NFATC1: variants seen among roughly 807,000 people sequenced by gnomAD.
NFATC1 encodes the protein nuclear factor of activated T cells 1, also known as nuclear factor of activated T-cells, cytoplasmic 1.
A neutral mutation model predicts 76.0 loss-of-function variants in NFATC1; 22 were observed. That is an observed-to-expected ratio of 0.29 (90% confidence interval 0.21 to 0.41). The LOEUF is 0.41. Among genes scored for constraint, NFATC1 ranks in the 10% least tolerant of loss-of-function variants. The pLI is 1.00. For synonymous variants in NFATC1, 704 were observed against 613.1 expected (o/e 1.15, Z -2.19); for missense variants, 1,357 against 1,337.7 (o/e 1.01, Z -0.23).
Position 79,474,462 on chromosome 18 carries a change from G to A in NFATC1, c.2092+6880G>A, listed in dbSNP as rs937337379. On this transcript the variant is annotated intron_variant, in intron 8 of 9. Transcript: ENST00000427363. ...GCGTGTTCTCGCGCTCACTGTCGAC[G>A]TTGTAAACCTGAGGGAAGCGTGTTC... is the stretch of plus-strand genomic sequence containing the variant. Among the ~76,000 whole-genome samples, 26 of 143,694 alleles carry A rather than the reference G, an allele frequency of 1.8e-4. 1 individual carries two copies. Among genetic ancestry groups the A allele is most frequent in the Admixed American group, 8.2e-4 (12 of 14,632 alleles). The allele number at this position is 143,694 out of a possible 152,430, so 94.3% of individuals were successfully genotyped here.
chr18:79,431,466 C>T (rs901163891), intron 2 of NFATC1, among the ~76,000 whole-genome samples: 10 of 152,116 alleles, frequency 6.6e-5, no homozygotes, highest in Non-Finnish European at 1.3e-4. Flanking sequence ...CGATCCTCCC[C>T]GCTCAGCCTC....
At chr18:79,479,638 G>A (rs1435851262) in intron 8 of NFATC1, among the ~76,000 whole-genome samples, 1 of 152,230 alleles carries the variant, frequency 6.6e-6, no homozygotes, top group East Asian at 1.9e-4. Flanking sequence ...TCTCTGTATT[G>A]GGAAGGCTGC....
At chr18:79,501,645 A>G (rs2090019156) in intron 9 of NFATC1, among the ~76,000 whole-genome samples, 1 of 120,260 alleles carries the variant, frequency 8.3e-6, no homozygotes, top group Admixed American at 1.2e-4. Flanking sequence ...AGGAAAACCC[A>G]CTGTTAAAAC....
At position 79,446,923 on chromosome 18, in the gene NFATC1, G is replaced by A. The variant is rs2087229840; in HGVS notation, c.1387-1859G>A. Among the ~76,000 whole-genome samples, 3 of 152,278 alleles carry A rather than the reference G, an allele frequency of 2.0e-5. No individual in the cohort carries two copies. The South Asian group carries it at 6.2e-4, about 32-fold the overall frequency. On this transcript the variant is annotated intron_variant, in intron 3 of 9. Transcript: ENST00000427363. Reference sequence around the variant, plus strand: ...TGGCTTTGTGTTTCAGACCCCAAACGCCCCTTCGATGTCTCAGCTGGGACC... The same window carrying A: ...TGGCTTTGTGTTTCAGACCCCAAACACCCCTTCGATGTCTCAGCTGGGACC...
At chr18:79,408,580 G>A (rs959931544) in intron 1 of NFATC1, among the ~76,000 whole-genome samples, 2 of 152,236 alleles carry the variant, frequency 1.3e-5, no homozygotes, top group African/African-American at 4.8e-5. Flanking sequence ...GAATCTCCAT[G>A]AGGGGGATTT....
At chr18:79,461,236 GA>G in intron 6 of NFATC1, 74 bp from the exon 7 acceptor site, 1 of 1,562,976 alleles carries the variant, frequency 6.4e-7, no homozygotes, top group South Asian at 1.1e-5. Flanking sequence ...CCTGGGTCTG[GA>G]TCACGTGGGG....
chr18:79,406,920 C>T (rs760965770), intron 1 of NFATC1, among the ~76,000 whole-genome samples: 18 of 152,206 alleles, frequency 1.2e-4, no homozygotes, highest in Non-Finnish European at 2.2e-4. Flanking sequence ...GGCACGGTCA[C>T]CCAGGCGTGT....
rs2090808077 is a variant in NFATC1, at chr18:79,527,767, C to T, written c.*190C>T. The T allele has an allele frequency of 1.7e-6, 1 of 605,516 alleles. No individual in the cohort carries two copies. The highest frequency in any genetic ancestry group is 3.9e-4 in the Middle Eastern group (1 of 2,532). The allele number at this position is 605,516 out of a possible 1,614,324, so 37.5% of individuals were successfully genotyped here. A position where few individuals can be genotyped will look rare whatever the true frequency, so the allele number is the denominator to read the frequency against. On this transcript the variant is annotated 3_prime_UTR_variant, in exon 10 of 10. Coordinates refer to ENST00000427363, the MANE Select transcript of NFATC1 (RefSeq NM_001278669.2). ...AAGGAAAGCAGGGAGGAAGGGAGAC[C>T]ACTGTGTCACCTGGAGGAGAAGTCA...
chr18:79,496,775 C>T lies in NFATC1; in HGVS notation c.2782+9838C>T, dbSNP rs548604154. ...TCGTCCTGGACGTGTAGCCTTTGTACGTTCCATAGTGACCTTTTGTACATT... is the reference window on the plus strand; with the variant it reads ...TCGTCCTGGACGTGTAGCCTTTGTATGTTCCATAGTGACCTTTTGTACATT... On this transcript the variant is annotated intron_variant, in intron 9 of 9. Coordinates refer to ENST00000427363, the MANE Select transcript of NFATC1 (RefSeq NM_001278669.2). 3.3e-5 allele frequency: 5 copies of T among 152,378 alleles called. No individual in the cohort carries two copies. The East Asian group carries it at 5.8e-4, about 18-fold the overall frequency. 9.4% of individuals were successfully genotyped at this position (152,378 alleles called of 1,614,324 possible).
At chr18:79,472,744 C>T (rs759940046) in intron 8 of NFATC1, among the ~76,000 whole-genome samples, 2 of 152,166 alleles carry the variant, frequency 1.3e-5, no homozygotes, top group Admixed American at 1.3e-4. Context: ...GCATGGCTCC[C>T]GCCTTCCCTC....
chr18:79,471,900 C>A (rs558338460), intron 8 of NFATC1, among the ~76,000 whole-genome samples: 1 of 152,354 alleles, frequency 6.6e-6, no homozygotes, highest in East Asian at 1.9e-4. Flanking sequence ...AGGGAAGACG[C>A]GCTTCCCTCC....
At chr18:79,427,678 GC>G (rs1417242586) in intron 2 of NFATC1, among the ~76,000 whole-genome samples, 47 of 113,844 alleles carry the variant, frequency 4.1e-4, no homozygotes, top group African/African-American at 1.5e-3. Flanking sequence ...TGGTGTGGGG[GC>G]TGGATGGCTG....
intron 8 of NFATC1, chr18:79,469,259 C>G (rs1482122829): frequency 1.1e-6 from 1 of 900,940 alleles, no homozygotes; most frequent in African/African-American, 1.8e-5. Flanking sequence ...TAAAGAAAAC[C>G]TAGGCCTTAT....
At chr18:79,487,166 C>T (rs1217162643) in intron 9 of NFATC1, among the ~76,000 whole-genome samples, 2 of 152,128 alleles carry the variant, frequency 1.3e-5, no homozygotes, top group African/African-American at 4.8e-5. Flanking sequence ...GTGTGGGGCC[C>T]TTGGCGGGTC....
At chr18:79,442,461 C>A (rs1401965354) in intron 3 of NFATC1, among the ~76,000 whole-genome samples, 1 of 152,206 alleles carries the variant, frequency 6.6e-6, no homozygotes, top group Non-Finnish European at 1.5e-5. Context: ...CCTTCCAGCA[C>A]CTTCTCTGGG....
intron 9 of NFATC1, among the ~76,000 whole-genome samples, chr18:79,492,256 C>T (rs995160016): frequency 3.4e-4 from 51 of 152,132 alleles, no homozygotes; most frequent in African/African-American, 1.2e-3. Context: ...CAGCCCACAT[C>T]CTGTGCGTCT....
intron 1 of NFATC1, among the ~76,000 whole-genome samples, chr18:79,399,501 G>C (rs1032612343): frequency 6.6e-6 from 1 of 152,254 alleles, no homozygotes; most frequent in Admixed American, 6.5e-5. Flanking sequence ...CGGAGAGCCC[G>C]GGGGAAGTTA....
At chr18:79,497,233 A>G (rs2089911349) in intron 9 of NFATC1, 1 of 152,290 alleles carries the variant, frequency 6.6e-6, no homozygotes, top group African/African-American at 2.4e-5. Context: ...CAAAGCAACA[A>G]AAATACAGCA....
At chr18:79,480,787 G>A (rs1464356685) in intron 8 of NFATC1, among the ~76,000 whole-genome samples, 2 of 152,226 alleles carry the variant, frequency 1.3e-5, no homozygotes, top group East Asian at 1.9e-4. Flanking sequence ...CGCCAGAGCT[G>A]GTGGGTGAGA....
Sources: allele counts gnomAD v4.1 joint callset (sites outside exome capture counted in the v4.1 genomes callset), GRCh38; gene constraint gnomAD v4.1.1; transcripts MANE v1.5; gene names NCBI Gene and HGNC (gene_info 2026-07-23, HGNC 2026-07-21).